Variants in CFAP77 observed in about 807,000 individuals in gnomAD.
CFAP77 encodes the protein cilia and flagella associated protein 77, also known as cilia- and flagella-associated protein 77.
A neutral mutation model predicts 31.1 loss-of-function variants in CFAP77; 25 were observed. That is an observed-to-expected ratio of 0.80 (90% CI 0.59 to 1.12). The LOEUF is 1.12. CFAP77 is among the 50% of genes most tolerant of loss of function. CFAP77 has a pLI of 0.00. For missense variants in CFAP77, 377 were observed against 397.3 expected, an observed-to-expected ratio of 0.95 and a Z score of 0.44; for synonymous variants, 151 against 159.9, an observed-to-expected ratio of 0.94 and a Z score of 0.42.
chr9:132,522,938 C>T (rs1435318080), intron 3 of CFAP77, among the ~76,000 whole-genome samples: 1 of 152,218 alleles, frequency 6.6e-6, no homozygotes, highest in Non-Finnish European at 1.5e-5. Flanking sequence ...GAGTCCTTTT[C>T]TTTCCTTTTT....
At chr9:132,453,019 C>T (rs1377632733) in intron 1 of CFAP77, among the ~76,000 whole-genome samples, 2 of 152,180 alleles carry the variant, frequency 1.3e-5, no homozygotes, top group Non-Finnish European at 2.9e-5. Flanking sequence ...GCATTAGACT[C>T]ATGGTGTGTG....
intron 1 of CFAP77, among the ~76,000 whole-genome samples, chr9:132,429,340 A>AC (rs1259593566): frequency 6.6e-6 from 1 of 151,904 alleles, no homozygotes; most frequent in African/African-American, 2.4e-5. Flanking sequence ...GGAATTTGAG[A>AC]CCAGCCTGGC....
chr9:132,561,365 T>TCC (rs138399407), intron 5 of CFAP77, among the ~76,000 whole-genome samples: 9 of 151,172 alleles, frequency 6.0e-5, no homozygotes, highest in Non-Finnish European at 7.4e-5. Context: ...AAATCTGTTT[T>TCC]CCCCCCCCAA....
chr9:132,448,789 G>A (rs1850770921), intron 1 of CFAP77, among the ~76,000 whole-genome samples: 1 of 152,128 alleles, frequency 6.6e-6, no homozygotes, highest in Admixed American at 6.5e-5. Flanking sequence ...GTTTCACCAT[G>A]TTGGCCAGGC....
intron 1 of CFAP77, among the ~76,000 whole-genome samples, chr9:132,417,646 ATAGT>A (rs1032050329): frequency 5.9e-5 from 9 of 152,238 alleles, no homozygotes; most frequent in South Asian, 2.1e-4. Context: ...TGGAATGGTA[ATAGT>A]TAGCACCCCA....
At chr9:132,411,860 TACACACACACACACAC>T (rs3079550) in intron 1 of CFAP77, among the ~76,000 whole-genome samples, 2 of 149,554 alleles carry the variant, frequency 1.3e-5, no homozygotes, top group Admixed American at 6.7e-5. Context: ...GAGCAATATG[TACACACACACACACAC>T]ACACACACAC....
chr9:132,523,560 G>A (rs537338304), intron 3 of CFAP77, among the ~76,000 whole-genome samples: 6 of 152,286 alleles, frequency 3.9e-5, no homozygotes, highest in South Asian at 2.1e-4. Flanking sequence ...CATGAAGGCC[G>A]TCGCTTTTAC....
chr9:132,520,035 TC>T (rs1192283979), intron 3 of CFAP77, among the ~76,000 whole-genome samples: 4 of 151,426 alleles, frequency 2.6e-5, no homozygotes, highest in African/African-American at 9.7e-5. Context: ...GTCCCCTTCC[TC>T]CCCCTGAAAT....
chr9:132,519,546 AGATGGATGAATG>A (rs1852220307), intron 3 of CFAP77, among the ~76,000 whole-genome samples: 2 of 13,158 alleles, frequency 1.5e-4, no homozygotes, highest in South Asian at 2.7e-3. Flanking sequence ...ATGGGTGGGT[AGATGGATGAATG>A]GATGGATGGA....
chr9:132,448,804 C>A (rs920465342), intron 1 of CFAP77, among the ~76,000 whole-genome samples: 1 of 152,146 alleles, frequency 6.6e-6, no homozygotes, highest in African/African-American at 2.4e-5. Context: ...CCAGGCTGGT[C>A]TTGAACTCCT....
chr9:132,434,387 C>T (rs1200190051), intron 1 of CFAP77, among the ~76,000 whole-genome samples: 2 of 152,082 alleles, frequency 1.3e-5, no homozygotes, highest in South Asian at 2.1e-4. Flanking sequence ...CCAGTGCCTG[C>T]AGTACTTGGC....
intron 1 of CFAP77, among the ~76,000 whole-genome samples, chr9:132,465,096 A>C (rs57935815): frequency 6.6e-6 from 1 of 150,900 alleles, no homozygotes; most frequent in Non-Finnish European, 1.5e-5. Context: ...AAAAAAAAGA[A>C]AAAAAGAAAG....
intron 5 of CFAP77, among the ~76,000 whole-genome samples, chr9:132,571,228 A>T (rs1829955532): frequency 6.6e-6 from 1 of 152,140 alleles, no homozygotes; most frequent in Non-Finnish European, 1.5e-5. Flanking sequence ...CTGCTCCTGC[A>T]AATCCAAACA....
intron 1 of CFAP77, among the ~76,000 whole-genome samples, chr9:132,432,880 A>AT (rs35965792): frequency 2.6e-5 from 4 of 151,434 alleles, no homozygotes; most frequent in East Asian, 1.9e-4. Context: ...CGCCCAGCTA[A>AT]TTTTTTTTGT....
Position 132,501,436 on chromosome 9 carries a change from TCC to T in CFAP77, c.524+1840_524+1841del, listed in dbSNP as rs1851840977. Among the ~76,000 whole-genome samples the T allele has an allele frequency of 2.6e-5, 4 of 151,440 alleles. No individual in the cohort carries two copies. The highest frequency in any genetic ancestry group is 5.9e-5 in the Non-Finnish European group (4 of 67,876). On this transcript the variant is annotated intron_variant, in intron 3 of 5. Transcript: ENST00000393216. The surrounding 1 kb of genome is among the most constrained non-coding windows in gnomAD (Gnocchi z 4.6). ...TTTTTTTGGACAGTGTCTCTGTCTG[TCC>T]CCCAGGCTGGAGTGCAGTGGCGCAG...
At chr9:132,438,662 A>C (rs1312567302) in intron 1 of CFAP77, among the ~76,000 whole-genome samples, 1 of 150,028 alleles carries the variant, frequency 6.7e-6, no homozygotes, top group Non-Finnish European at 1.5e-5. Flanking sequence ...CAGCCTCCTG[A>C]GTAGCTGGGA....
chr9:132,544,141 G>A (rs1852693431), intron 5 of CFAP77, among the ~76,000 whole-genome samples: 2 of 140,792 alleles, frequency 1.4e-5, no homozygotes, highest in East Asian at 2.1e-4. Context: ...GAGCTTCACC[G>A]GAGAAACCTG....
chr9:132,459,229 G>A (rs545625383), intron 1 of CFAP77, among the ~76,000 whole-genome samples: 3 of 152,022 alleles, frequency 2.0e-5, no homozygotes, highest in African/African-American at 4.8e-5. Flanking sequence ...CCGCCACCAC[G>A]CCCAGCTAAT....
intron 5 of CFAP77, among the ~76,000 whole-genome samples, chr9:132,569,887 C>G (rs1260109293): frequency 1.3e-5 from 2 of 152,098 alleles, no homozygotes; most frequent in Non-Finnish European, 2.9e-5. Flanking sequence ...AGGCACCCAC[C>G]ACCACACCCA....
Sources: allele counts gnomAD v4.1 joint callset (sites outside exome capture counted in the v4.1 genomes callset), GRCh38; gene constraint gnomAD v4.1.1; non-coding constraint Gnocchi (gnomAD v3.1); transcripts MANE v1.5; gene names NCBI Gene and HGNC (gene_info 2026-07-23, HGNC 2026-07-21).